Variants in SLC4A4 observed in about 807,000 individuals in gnomAD.
The protein encoded by SLC4A4 is solute carrier family 4 member 4.
SLC4A4 carries 27 observed loss-of-function variants against 111.5 expected under a neutral mutation model. That is an observed-to-expected ratio of 0.24 (90% CI 0.18 to 0.33). The LOEUF (loss-of-function observed/expected upper bound fraction) is 0.33. Among genes scored for constraint, SLC4A4 ranks in the 10% least tolerant of loss-of-function variants. SLC4A4 has a pLI of 1.00. For synonymous variants in SLC4A4, 443 were observed against 463.4 expected (o/e 0.96, Z 0.57); for missense variants, 909 against 1,315.5 (o/e 0.69, Z 4.78).
intron 14 of SLC4A4, chr4:71,473,371 C>T: frequency 2.3e-6 from 1 of 434,680 alleles, no homozygotes. Context: ...TTAAGTAAAC[C>T]TTTAATACAT....
At chr4:71,560,770 C>T (rs886522780) in intron 23 of SLC4A4, among the ~76,000 whole-genome samples, 6 of 151,724 alleles carry the variant, frequency 4.0e-5, no homozygotes, top group African/African-American at 1.2e-4. Flanking sequence ...TATGATTCAG[C>T]ATTATTTTTC....
At chr4:71,064,092 TA>T (rs543764233) in intron 1 of SLC4A4, among the ~76,000 whole-genome samples, 1,539 of 151,912 alleles carry the variant, frequency 0.01, 10 homozygotes, top group Admixed American at 0.014. Context: ...AATAAAAAAT[TA>T]AAAAAAATAG....
intron 3 of SLC4A4, among the ~76,000 whole-genome samples, chr4:71,329,934 T>C (rs1727829521): frequency 6.6e-6 from 1 of 152,176 alleles, no homozygotes. Context: ...TTCAGCATGA[T>C]ACTAGGTGTA....
At chr4:71,547,274 A>G (rs916632026) in intron 19 of SLC4A4, among the ~76,000 whole-genome samples, 1 of 152,020 alleles carries the variant, frequency 6.6e-6, no homozygotes, top group South Asian at 2.1e-4. Flanking sequence ...TCTGTCTCCT[A>G]TGAAAGAAGG....
chr4:71,064,220 G>A (rs765207028), intron 1 of SLC4A4, among the ~76,000 whole-genome samples: 1 of 152,216 alleles, frequency 6.6e-6, no homozygotes, highest in Non-Finnish European at 1.5e-5. Flanking sequence ...CCTTGAGCAA[G>A]TAATTCAGCT....
At chr4:71,107,531 G>A (rs1026451996) in intron 2 of SLC4A4, among the ~76,000 whole-genome samples, 4 of 151,926 alleles carry the variant, frequency 2.6e-5, no homozygotes, top group African/African-American at 4.8e-5. Flanking sequence ...GCATTTTTTA[G>A]TAGAGACGGG....
At position 71,180,444 on chromosome 4, in the gene SLC4A4, C is replaced by A. The variant is rs559382317; in HGVS notation, c.-1-56132C>A. Among the ~76,000 whole-genome samples, 31 of 152,234 alleles carry A rather than the reference C, an allele frequency of 2.0e-4. No individual in the cohort carries two copies. In the South Asian group the frequency reaches 6.0e-3, roughly 30 times the overall value. ...ACAGAATGGGAGAAAATTTTTGCAACCCACTCATCTGACAAAGGGCTAATA... is the reference window on the plus strand; with the variant it reads ...ACAGAATGGGAGAAAATTTTTGCAAACCACTCATCTGACAAAGGGCTAATA... On this transcript the variant is annotated intron_variant, in intron 2 of 26. Coordinates refer to the SLC4A4 transcript ENST00000649996.
At chr4:71,256,461 A>C (rs72650318) in intron 3 of SLC4A4, among the ~76,000 whole-genome samples, 78 of 152,318 alleles carry the variant, frequency 5.1e-4, no homozygotes, top group Admixed American at 7.8e-4. Context: ...AGGAAGCTAG[A>C]GAAGTGCGGT....
intron 4 of SLC4A4, among the ~76,000 whole-genome samples, chr4:71,348,313 TCA>T (rs35326504): frequency 0.094 from 13,457 of 143,580 alleles, 671 homozygotes; most frequent in East Asian, 0.16. Context: ...ACTAATTTAG[TCA>T]CACACACACA....
chr4:71,411,808 G>A (rs142566832), intron 7 of SLC4A4, among the ~76,000 whole-genome samples: 3 of 152,280 alleles, frequency 2.0e-5, no homozygotes, highest in East Asian at 3.9e-4. Context: ...TCTGAGCAGG[G>A]CACTTCATTG....
At chr4:71,532,015 A>G (rs774434016) in intron 16 of SLC4A4, 47 bp from the exon 17 acceptor site, 2 of 1,057,356 alleles carry the variant, frequency 1.9e-6, no homozygotes, top group South Asian at 2.5e-5. Flanking sequence ...AGACAAATAT[A>G]TGTATCTGGT....
At chr4:71,359,071 C>T (rs1277457504) in intron 6 of SLC4A4, among the ~76,000 whole-genome samples, 1 of 152,210 alleles carries the variant, frequency 6.6e-6, no homozygotes, top group Non-Finnish European at 1.5e-5. Flanking sequence ...TTCCATGGAA[C>T]TGCAGGCAGA....
At chr4:71,298,191 T>C (rs192500165) in intron 3 of SLC4A4, among the ~76,000 whole-genome samples, 62 of 152,180 alleles carry the variant, frequency 4.1e-4, no homozygotes, top group African/African-American at 1.5e-3. Context: ...AAAAAGTTAG[T>C]AATAAATGCC....
intron 3 of SLC4A4, among the ~76,000 whole-genome samples, chr4:71,309,631 C>T (rs1725972451): frequency 6.6e-6 from 1 of 152,084 alleles, no homozygotes; most frequent in South Asian, 2.1e-4. Flanking sequence ...GCAATAACGT[C>T]AACATCAACA....
At chr4:71,101,861 C>T (rs1325810642) in intron 2 of SLC4A4, among the ~76,000 whole-genome samples, 26 of 151,738 alleles carry the variant, frequency 1.7e-4, no homozygotes, top group East Asian at 3.9e-4. Context: ...AAACGCAGAA[C>T]GCCTCTCCTC....
At chr4:71,145,346 T>G (rs1176394170) in intron 2 of SLC4A4, among the ~76,000 whole-genome samples, 2 of 152,232 alleles carry the variant, frequency 1.3e-5, no homozygotes, top group African/African-American at 4.8e-5. Flanking sequence ...GGATTCAGTC[T>G]GCCAGTATTT....
intron 2 of SLC4A4, among the ~76,000 whole-genome samples, chr4:71,114,584 A>G (rs1293556741): frequency 6.6e-6 from 1 of 150,892 alleles, no homozygotes; most frequent in East Asian, 1.9e-4. Context: ...CACATGAAAA[A>G]ATGCTCACCA....
At position 71,228,963 on chromosome 4, in the gene SLC4A4, A is replaced by G. The variant is rs150216180; in HGVS notation, c.-1-7613A>G. 7.6e-4 allele frequency among the ~76,000 whole-genome samples: 115 copies of G among 152,312 alleles called. No individual in the cohort carries two copies. The Middle Eastern group carries it at 0.014, about 18-fold the overall frequency. On this transcript the variant is annotated intron_variant, in intron 1 of 25. Transcript: ENST00000264485. ...CTCTTCTCTGTCTGTATTAAGTTCT[A>G]TACGATTTTATCACCTATGTTGATC...
At chr4:71,337,642 A>G (rs1012011304) in intron 3 of SLC4A4, among the ~76,000 whole-genome samples, 1 of 152,148 alleles carries the variant, frequency 6.6e-6, no homozygotes, top group Non-Finnish European at 1.5e-5. Context: ...CAGGATATAT[A>G]CACTATTTAA....
Sources: gnomAD v4.1 joint callset for allele counts (sites outside exome capture counted in the v4.1 genomes callset) on GRCh38, gnomAD v4.1.1 for gene constraint, MANE v1.5 for transcripts, NCBI Gene and HGNC (gene_info 2026-07-23, HGNC 2026-07-21) for gene names.